The following ANXA4 variants were observed in gnomAD, a reference collection of about 807,000 sequenced individuals.
ANXA4 encodes 35-beta calcimedin.
In ANXA4, 39 loss-of-function variants were observed where a neutral mutation model predicts 49.8. The ratio of observed to expected loss-of-function variants is 0.78; its 90% confidence interval spans 0.61 to 1.02. ANXA4 has a LOEUF of 1.02. ANXA4 is among the 50% of genes least tolerant of loss of function. The pLI is 0.00. For synonymous variants in ANXA4, 134 were observed against 152.5 expected, an observed-to-expected ratio of 0.88 and a Z score of 0.89; for missense variants, 360 against 410.1, an observed-to-expected ratio of 0.88 and a Z score of 1.05.
Position 69,818,642 on chromosome 2 carries a change from G to C in ANXA4, c.672G>C (p.Gln224His). The C allele has an allele frequency of 6.2e-7, 1 of 1,611,832 alleles. No homozygotes were observed. Among genetic ancestry groups the C allele is most frequent in the Non-Finnish European group, 8.5e-7 (1 of 1,178,734 alleles). ...GGATATCACAGAAGGATATTGAACA[G>C]AGTATTAAATCTGAAACATCTGGTA... ...YKRISQKDIEQSIKSETSGSF... is the reference protein window; with the variant it reads ...YKRISQKDIEHSIKSETSGSF... The change falls in exon 10 of 13, where the codon CAG becomes CAC. Residue 224 changes from glutamine (Q) to histidine (H), a missense_variant. Transcript: ENST00000394295.
chr2:69,660,296 G>A (rs2105322238), intron 2 of ANXA4, among the ~76,000 whole-genome samples: 1 of 152,190 alleles, frequency 6.6e-6, no homozygotes, highest in Middle Eastern at 3.4e-3. Context: ...CTGGGCCAAT[G>A]GTAAACCCTA....
At chr2:69,704,337 C>T (rs1258875242) in intron 2 of ANXA4, among the ~76,000 whole-genome samples, 1 of 152,212 alleles carries the variant, frequency 6.6e-6, no homozygotes, top group East Asian at 1.9e-4. Context: ...AACTACTTTA[C>T]TAAAATTCTC....
At chr2:69,654,386 G>A (rs1676361008) in intron 2 of ANXA4, among the ~76,000 whole-genome samples, 1 of 152,118 alleles carries the variant, frequency 6.6e-6, no homozygotes, top group Non-Finnish European at 1.5e-5. Flanking sequence ...AATGCTTCCA[G>A]CTTTTGCCCA....
chr2:69,674,368 G>A (rs1677318766), intron 2 of ANXA4: 1 of 152,128 alleles, frequency 6.6e-6, no homozygotes, highest in Non-Finnish European at 1.5e-5. Context: ...AACATTTCAA[G>A]CCAAGTTCCT....
At chr2:69,679,658 G>C (rs543954787) in intron 2 of ANXA4, among the ~76,000 whole-genome samples, 1 of 152,056 alleles carries the variant, frequency 6.6e-6, no homozygotes, top group African/African-American at 2.4e-5. Flanking sequence ...TTATGTCTTT[G>C]CTCCATCTTG....
intron 2 of ANXA4, among the ~76,000 whole-genome samples, chr2:69,694,030 C>T (rs1318572857): frequency 6.6e-6 from 1 of 152,144 alleles, no homozygotes; most frequent in East Asian, 1.9e-4. Flanking sequence ...AAAAGTTGGT[C>T]TCCCTATTCC....
intron 1 of ANXA4, among the ~76,000 whole-genome samples, chr2:69,757,038 T>C (rs967480364): frequency 4.7e-5 from 7 of 149,800 alleles, no homozygotes; most frequent in African/African-American, 1.7e-4. Flanking sequence ...GCAATTCTTC[T>C]GCCTCAGCTT....
chr2:69,814,495 C>T (rs557579967), intron 8 of ANXA4, among the ~76,000 whole-genome samples: 1 of 151,848 alleles, frequency 6.6e-6, no homozygotes, highest in East Asian at 1.9e-4. Context: ...CAGGCGTGTG[C>T]CATCATGCCT....
rs752565943 is a variant in ANXA4 at position 69,808,005 on chromosome 2, C to A, written c.397+9C>A. The stretch of plus-strand genomic sequence containing the variant: ...CCAAACCTACCAGCAGCGTACGTGA[C>A]ATCCGCAGTGGCCCTGGCTGAGGTT... On this transcript the variant is annotated intron_variant, in intron 6 of 12. Coordinates refer to ENST00000394295, the MANE Select transcript of ANXA4 (RefSeq NM_001153.5). The A allele has an allele frequency of 6.2e-6, 10 of 1,613,442 alleles. No homozygotes were observed. Among genetic ancestry groups the A allele is most frequent in the Non-Finnish European group, 7.6e-6 (9 of 1,179,508 alleles).
chr2:69,750,946 G>A (rs1168632407), intron 1 of ANXA4, among the ~76,000 whole-genome samples: 1 of 151,120 alleles, frequency 6.6e-6, no homozygotes, highest in Non-Finnish European at 1.5e-5. Context: ...CTTAGTCTGT[G>A]AGGGACCTGC....
At chr2:69,702,856 C>T (rs1254800177) in intron 2 of ANXA4, among the ~76,000 whole-genome samples, 1 of 152,082 alleles carries the variant, frequency 6.6e-6, no homozygotes, top group South Asian at 2.1e-4. Flanking sequence ...AAATATAAAA[C>T]TGTTCATTTC....
At chr2:69,661,370 A>T (rs1201556084) in intron 2 of ANXA4, among the ~76,000 whole-genome samples, 1 of 152,136 alleles carries the variant, frequency 6.6e-6, no homozygotes, top group East Asian at 1.9e-4. Flanking sequence ...GTAATTAGGC[A>T]CAGTGGCTCA....
rs17036967 is a variant in ANXA4 at position 69,753,970 on chromosome 2, T to C, written c.-47+11795T>C. 8.3e-3 allele frequency among the ~76,000 whole-genome samples: 1,265 copies of C among 152,334 alleles called. 18 individuals are homozygous for C. The highest frequency in any genetic ancestry group is 0.075 in the East Asian group (388 of 5,192). ...GGAGGGCAGAACAGGGACTGGAACT[T>C]GGTTCTTGTTCTGGATTCTAAGCCT... On this transcript the variant is annotated intron_variant, in intron 1 of 12. Coordinates refer to ENST00000394295, the MANE Select transcript of ANXA4 (RefSeq NM_001153.5).
At chr2:69,747,209 C>A (rs571904529) in intron 1 of ANXA4, among the ~76,000 whole-genome samples, 3 of 152,204 alleles carry the variant, frequency 2.0e-5, no homozygotes, top group Admixed American at 6.5e-5. Flanking sequence ...AGGCACTCAC[C>A]TCCCCGCCAC....
rs866012758 is a variant in ANXA4, at chr2:69,672,381, G to A, written n.766+19099G>A. 4.6e-5 allele frequency among the ~76,000 whole-genome samples: 7 copies of A among 151,982 alleles called. No homozygotes were observed. The Middle Eastern group carries it at 0.02, about 443-fold the overall frequency. On this transcript the variant is annotated intron_variant and non_coding_transcript_variant, in intron 2 of 3. Coordinates refer to the ANXA4 transcript ENST00000418066. ...TGGGTAGCTGGGTTTACAGTTATGT[G>A]CCACCACACCCAACTAATTTTTGTA...
rs1673339276 is a variant in ANXA4, at chr2:69,804,174, G to GA, written c.98-353dup. On this transcript the variant is annotated intron_variant, in intron 3 of 12. Coordinates refer to ENST00000394295, the MANE Select transcript of ANXA4 (RefSeq NM_001153.5). ...AAAAAAAAAAATATTCTAGAGGAGA[G>GA]AAAAAATTACTCCAGCCAACATTTA... Among the ~76,000 whole-genome samples, 4 of 149,504 alleles carry GA rather than the reference G, an allele frequency of 2.7e-5. No homozygotes were observed. The South Asian group carries it at 8.5e-4, about 32-fold the overall frequency.
At chr2:69,756,847 C>T (rs1573201490) in intron 1 of ANXA4, among the ~76,000 whole-genome samples, 1 of 151,372 alleles carries the variant, frequency 6.6e-6, no homozygotes, top group Non-Finnish European at 1.5e-5. Context: ...GCAAAAAATA[C>T]ACACCAATAA....
intron 1 of ANXA4, among the ~76,000 whole-genome samples, chr2:69,647,505 C>T (rs1030915016): frequency 1.3e-5 from 2 of 151,808 alleles, no homozygotes; most frequent in African/African-American, 2.4e-5. Flanking sequence ...GCCTCCCAGG[C>T]TCCAGCGATT....
intron 2 of ANXA4, among the ~76,000 whole-genome samples, chr2:69,667,441 C>T (rs1450356552): frequency 6.7e-6 from 1 of 150,326 alleles, no homozygotes; most frequent in Non-Finnish European, 1.5e-5. Flanking sequence ...GTTATGACCT[C>T]GGCACATTAC....
Sources: allele counts gnomAD v4.1 joint callset (sites outside exome capture counted in the v4.1 genomes callset), GRCh38; gene constraint gnomAD v4.1.1; transcripts MANE v1.5; gene names NCBI Gene and HGNC (gene_info 2026-07-23, HGNC 2026-07-21).